ADAMTS3: variants seen among roughly 807,000 people sequenced by gnomAD.
The protein encoded by ADAMTS3 is A disintegrin and metalloproteinase with thrombospondin motifs 3.
A neutral mutation model predicts 129.0 loss-of-function variants in ADAMTS3; 73 were observed. That is an observed-to-expected ratio of 0.57 (90% confidence interval 0.47 to 0.69). The LOEUF (loss-of-function observed/expected upper bound fraction) is 0.69. Among genes scored for constraint, ADAMTS3 ranks in the 30% least tolerant of loss-of-function variants. The pLI is 0.00. For missense variants in ADAMTS3, 1,457 were observed against 1,514.5 expected (o/e 0.96, Z 0.63); for synonymous variants, 477 against 510.8 (o/e 0.93, Z 0.89).
At chr4:72,323,720 A>G (rs1275344530) in intron 5 of ADAMTS3, among the ~76,000 whole-genome samples, 1 of 152,206 alleles carries the variant, frequency 6.6e-6, no homozygotes, top group Non-Finnish European at 1.5e-5. Flanking sequence ...TCAGCCCTGG[A>G]TGCAACTCAG....
Position 72,328,995 on chromosome 4 carries a change from A to G in ADAMTS3, c.862-5898T>C, listed in dbSNP as rs79643093. Among the ~76,000 whole-genome samples the G allele has an allele frequency of 5.9e-3, 899 of 152,076 alleles. 16 individuals carry two copies. The highest frequency in any genetic ancestry group is 0.021 in the African/African-American group (859 of 41,484). On this transcript the variant is annotated intron_variant, in intron 5 of 21. Coordinates refer to ENST00000286657, the MANE Select transcript of ADAMTS3 (RefSeq NM_014243.3). ...AACAGAGGTGTCTCCCAATCTGCCA[A>G]CTCTTCCCTCATCTCCATTCTCATA...
chr4:72,397,108 C>A (rs975529360), intron 4 of ADAMTS3, among the ~76,000 whole-genome samples: 1 of 152,156 alleles, frequency 6.6e-6, no homozygotes, highest in Admixed American at 6.5e-5. Flanking sequence ...TCTCTCACTC[C>A]TCTCTATACT....
chr4:72,360,003 C>T (rs1010009362), intron 4 of ADAMTS3, among the ~76,000 whole-genome samples: 3 of 151,880 alleles, frequency 2.0e-5, no homozygotes, highest in Admixed American at 6.6e-5. Context: ...TATCATTATC[C>T]AGCGGCCTAT....
chr4:72,294,979 A>G (rs775948660), intron 19 of ADAMTS3, among the ~76,000 whole-genome samples: 2 of 152,006 alleles, frequency 1.3e-5, no homozygotes, highest in Non-Finnish European at 2.9e-5. Context: ...AGACTCTTCC[A>G]TTTCTATGGA....
At chr4:72,341,955 C>A (rs551221312) in intron 4 of ADAMTS3, among the ~76,000 whole-genome samples, 46 of 152,212 alleles carry the variant, frequency 3.0e-4, no homozygotes, top group Non-Finnish European at 6.2e-4. Flanking sequence ...TAGCTTCTGG[C>A]ACTTTTTACT....
intron 3 of ADAMTS3, among the ~76,000 whole-genome samples, chr4:72,524,973 CCA>C (rs1720770960): frequency 6.6e-6 from 1 of 152,146 alleles, no homozygotes; most frequent in African/African-American, 2.4e-5. Flanking sequence ...TACCTGGGAT[CCA>C]GTTCTTTCTC....
At chr4:72,359,471 A>G (rs188895964) in intron 4 of ADAMTS3, among the ~76,000 whole-genome samples, 9 of 152,184 alleles carry the variant, frequency 5.9e-5, no homozygotes, top group Non-Finnish European at 1.2e-4. Context: ...TAACATTTTA[A>G]TAACATTTAA....
At chr4:72,382,673 T>C (rs6836291) in intron 4 of ADAMTS3, among the ~76,000 whole-genome samples, 3,786 of 152,200 alleles carry the variant, frequency 0.025, 160 homozygotes, top group African/African-American at 0.087. Flanking sequence ...ATGTGGTATA[T>C]ATACACCATG....
chr4:72,430,497 C>T (rs1013909554), intron 3 of ADAMTS3, among the ~76,000 whole-genome samples: 2 of 151,966 alleles, frequency 1.3e-5, no homozygotes, highest in Non-Finnish European at 2.9e-5. Context: ...CACACTCAGC[C>T]ATTCAATTCA....
chr4:72,283,830 C>G, intron 21 of ADAMTS3, 126 bp from the exon 22 acceptor site: 1 of 709,866 alleles, frequency 1.4e-6, no homozygotes, highest in Non-Finnish European at 2.2e-6. Context: ...CGGGAGTGAT[C>G]CACACGAGCT....
chr4:72,403,368 T>C (rs1293735022), intron 4 of ADAMTS3, among the ~76,000 whole-genome samples: 3 of 152,054 alleles, frequency 2.0e-5, no homozygotes, highest in Non-Finnish European at 4.4e-5. Context: ...AAATATAATG[T>C]TTCTATATTC....
chr4:72,323,561 G>C (rs1719621341), intron 5 of ADAMTS3, among the ~76,000 whole-genome samples: 1 of 152,112 alleles, frequency 6.6e-6, no homozygotes, highest in Non-Finnish European at 1.5e-5. Flanking sequence ...TGGCTATGGG[G>C]TCTGTGTGCA....
intron 5 of ADAMTS3, among the ~76,000 whole-genome samples, chr4:72,323,921 A>G (rs375301194): frequency 4.9e-4 from 74 of 152,296 alleles, no homozygotes; most frequent in African/African-American, 1.7e-3. Context: ...CAAAACACAG[A>G]GTGAGCTACT....
intron 3 of ADAMTS3, among the ~76,000 whole-genome samples, chr4:72,441,465 T>C (rs1718114758): frequency 6.6e-6 from 1 of 151,824 alleles, no homozygotes; most frequent in East Asian, 2.0e-4. Context: ...TTTTATAATA[T>C]TTCAATTTGT....
At chr4:72,316,027 A>G in intron 10 of ADAMTS3, 56 bp from the exon 11 acceptor site, 1 of 1,047,674 alleles carries the variant, frequency 9.5e-7, no homozygotes, top group Non-Finnish European at 1.4e-6. Flanking sequence ...GACATGCACC[A>G]AAAATATATT....
chr4:72,479,133 G>A (rs541504890), intron 3 of ADAMTS3, among the ~76,000 whole-genome samples: 1 of 152,242 alleles, frequency 6.6e-6, no homozygotes, highest in South Asian at 2.1e-4. Context: ...GTAATTTATA[G>A]ATTCAATGCC....
chr4:72,529,875 T>A (rs1364545345), intron 3 of ADAMTS3, among the ~76,000 whole-genome samples: 2 of 74,188 alleles, frequency 2.7e-5, no homozygotes, highest in Non-Finnish European at 4.7e-5. Flanking sequence ...TAATATAAAT[T>A]ATATATAATA....
At chr4:72,455,611 T>A (rs1405662964) in intron 3 of ADAMTS3, among the ~76,000 whole-genome samples, 7 of 88,730 alleles carry the variant, frequency 7.9e-5, no homozygotes, top group East Asian at 2.7e-4. Flanking sequence ...ATCCCAGAAC[T>A]TAAAGTATTA....
intron 2 of ADAMTS3, among the ~76,000 whole-genome samples, chr4:72,565,785 A>G (rs1374170369): frequency 6.6e-6 from 1 of 152,218 alleles, no homozygotes; most frequent in Non-Finnish European, 1.5e-5. Flanking sequence ...GGGCTACCAT[A>G]GTAATTTACA....
Sources: gnomAD v4.1 joint callset for allele counts (sites outside exome capture counted in the v4.1 genomes callset) on GRCh38, gnomAD v4.1.1 for gene constraint, MANE v1.5 for transcripts, NCBI Gene and HGNC (gene_info 2026-07-23, HGNC 2026-07-21) for gene names.